The following CAMTA1 variants were observed in gnomAD, a reference collection of about 807,000 sequenced individuals.
The protein encoded by CAMTA1 is calmodulin-binding transcription activator 1.
In CAMTA1, 27 loss-of-function variants were observed where a neutral mutation model predicts 170.9. That is an observed-to-expected ratio of 0.16 (90% CI 0.12 to 0.22). CAMTA1 has a LOEUF of 0.22. Among genes scored for constraint, CAMTA1 ranks in the 10% least tolerant of loss-of-function variants. CAMTA1 has a pLI of 1.00. For missense variants in CAMTA1, 1,619 were observed against 2,217.2 expected, an observed-to-expected ratio of 0.73 and a Z score of 5.42; for synonymous variants, 833 against 891.5, an observed-to-expected ratio of 0.93 and a Z score of 1.17.
chr1:7,208,545 A>G (rs1658177494), intron 4 of CAMTA1, among the ~76,000 whole-genome samples: 1 of 152,208 alleles, frequency 6.6e-6, no homozygotes, highest in Non-Finnish European at 1.5e-5. Flanking sequence ...ATTCTGTTGA[A>G]GGTGTAAATC....
At chr1:7,587,833 G>A (rs1476693263) in intron 6 of CAMTA1, among the ~76,000 whole-genome samples, 6 of 152,088 alleles carry the variant, frequency 3.9e-5, no homozygotes, top group Admixed American at 1.3e-4. Context: ...GGGTCATGGG[G>A]AACAGAGAAG....
chr1:6,936,167 G>A (rs1462251938), intron 3 of CAMTA1, among the ~76,000 whole-genome samples: 2 of 152,204 alleles, frequency 1.3e-5, no homozygotes, highest in Admixed American at 6.5e-5. Flanking sequence ...GGGGACTTAG[G>A]TTGGCTGCTG....
chr1:7,605,331 C>T (rs1225538141), intron 6 of CAMTA1, among the ~76,000 whole-genome samples: 1 of 152,252 alleles, frequency 6.6e-6, no homozygotes, highest in African/African-American at 2.4e-5. Context: ...GTAGGCTCCA[C>T]TGAGTTCGAG....
At chr1:7,037,917 A>ATT (rs55645358) in intron 3 of CAMTA1, among the ~76,000 whole-genome samples, 25,168 of 142,906 alleles carry the variant, frequency 0.18, 2,517 homozygotes, top group Non-Finnish European at 0.25. Context: ...TTTGATCTTT[A>ATT]TTTTTTTTTT....
At chr1:7,654,105 G>C (rs1176432952) in intron 7 of CAMTA1, among the ~76,000 whole-genome samples, 1 of 152,132 alleles carries the variant, frequency 6.6e-6, no homozygotes, top group South Asian at 2.1e-4. Flanking sequence ...GAAGGGCTAG[G>C]CGTGGTGGCT....
chr1:6,904,552 CTT>C (rs1196529275), intron 3 of CAMTA1, among the ~76,000 whole-genome samples: 6 of 140,526 alleles, frequency 4.3e-5, no homozygotes, highest in Admixed American at 7.1e-5. Flanking sequence ...TTCTTTCTTT[CTT>C]TTTTTTTTTT....
At chr1:6,850,885 G>T (rs1372534203) in intron 3 of CAMTA1, among the ~76,000 whole-genome samples, 2 of 152,184 alleles carry the variant, frequency 1.3e-5, no homozygotes, top group Non-Finnish European at 2.9e-5. Context: ...CTATATCTTA[G>T]AGATAGTAGC....
chr1:7,569,064 CATT>C (rs2095088972), intron 6 of CAMTA1, among the ~76,000 whole-genome samples: 1 of 151,258 alleles, frequency 6.6e-6, no homozygotes, highest in African/African-American at 2.4e-5. Flanking sequence ...CCATCATCAT[CATT>C]ACCACCACCA....
rs374943573 is a variant in CAMTA1, at chr1:7,748,159, G to A, written c.4689+378G>A. Among the ~76,000 whole-genome samples, 21 of 152,096 alleles carry A rather than the reference G, an allele frequency of 1.4e-4. No individual in the cohort carries two copies. Among genetic ancestry groups the A allele is most frequent in the African/African-American group, 4.6e-4 (19 of 41,502 alleles). ...ACTCCTGACCTCAAGTGATCTGCCC[G>A]CCTTGGCCTCCCAAAGTGCTGGGAT... is the stretch of plus-strand genomic sequence containing the variant. On this transcript the variant is annotated intron_variant, in intron 19 of 22. Coordinates refer to ENST00000303635, the MANE Select transcript of CAMTA1 (RefSeq NM_015215.4). The surrounding 1 kb of genome is among the most constrained non-coding windows in gnomAD (Gnocchi z 4.7).
chr1:7,104,488 G>A (rs1038856298), intron 4 of CAMTA1, among the ~76,000 whole-genome samples: 2 of 152,184 alleles, frequency 1.3e-5, no homozygotes, highest in African/African-American at 4.8e-5. Flanking sequence ...AAGACGCCGT[G>A]GAGTCTGACC....
intron 7 of CAMTA1, among the ~76,000 whole-genome samples, chr1:7,655,559 CACAA>C (rs1287336962): frequency 2.0e-5 from 3 of 150,382 alleles, no homozygotes; most frequent in African/African-American, 7.4e-5. Context: ...CACCTATACA[CACAA>C]ACACACCCAC....
chr1:7,282,046 T>C (rs12409413), intron 5 of CAMTA1, among the ~76,000 whole-genome samples: 67,594 of 151,884 alleles, frequency 0.45, 15,535 homozygotes, highest in Admixed American at 0.57. Context: ...CCTTAGCAGC[T>C]ATTTAGTTCA....
chr1:7,087,189 C>T (rs1033445400), intron 3 of CAMTA1, among the ~76,000 whole-genome samples: 2 of 152,194 alleles, frequency 1.3e-5, no homozygotes, highest in African/African-American at 4.8e-5. Context: ...AGAGGCCAGA[C>T]AATTGAGCTA....
At chr1:7,142,164 C>G (rs1001075669) in intron 4 of CAMTA1, 1 of 518,232 alleles carries the variant, frequency 1.9e-6, no homozygotes. Flanking sequence ...TGCTCTACTG[C>G]CAGCACCCTC....
intron 3 of CAMTA1, among the ~76,000 whole-genome samples, chr1:7,077,989 T>TGC (rs1361296106): frequency 3.4e-4 from 48 of 139,900 alleles, no homozygotes; most frequent in Non-Finnish European, 1.6e-5. Flanking sequence ...AGAGCTTGCG[T>TGC]GCACACACAC....
chr1:6,851,883 G>A (rs892342562), intron 3 of CAMTA1, among the ~76,000 whole-genome samples: 8 of 151,596 alleles, frequency 5.3e-5, no homozygotes, highest in Non-Finnish European at 7.4e-5. Context: ...GCGTGGTGGT[G>A]CACGCCTGTA....
chr1:6,861,436 A>G (rs1664653074), intron 3 of CAMTA1, among the ~76,000 whole-genome samples: 1 of 152,202 alleles, frequency 6.6e-6, no homozygotes, highest in Non-Finnish European at 1.5e-5. Context: ...TTCTTCAGCC[A>G]TGACTTCTCA....
intron 3 of CAMTA1, among the ~76,000 whole-genome samples, chr1:6,960,747 C>T (rs1051462042): frequency 5.3e-5 from 8 of 152,184 alleles, no homozygotes; most frequent in Admixed American, 2.0e-4. Flanking sequence ...GGCAGTGCTG[C>T]GTGTGCAGTG....
intron 6 of CAMTA1, among the ~76,000 whole-genome samples, chr1:7,618,993 T>A (rs2095578697): frequency 6.6e-6 from 1 of 152,118 alleles, no homozygotes; most frequent in African/African-American, 2.4e-5. Context: ...ACCAAAAAAT[T>A]TGCATCTCAA....
Sources: allele counts gnomAD v4.1 joint callset (sites outside exome capture counted in the v4.1 genomes callset), GRCh38; gene constraint gnomAD v4.1.1; non-coding constraint Gnocchi (gnomAD v3.1); transcripts MANE v1.5; gene names NCBI Gene and HGNC (gene_info 2026-07-23, HGNC 2026-07-21).